Variants in SSBP2 observed in about 807,000 individuals in gnomAD.
SSBP2 encodes single stranded DNA binding protein 2.
SSBP2 carries 17 observed loss-of-function variants against 61.8 expected under a neutral mutation model. The observed-to-expected ratio is 0.28, with a 90% confidence interval of 0.19 to 0.41. The LOEUF is 0.41. SSBP2 is among the 10% of genes least tolerant of loss of function. The probability of loss-of-function intolerance (pLI) is 1.00; values close to 1 mark genes in which losing one functional copy is unlikely to be tolerated. For synonymous variants in SSBP2, 139 were observed against 141.3 expected, an observed-to-expected ratio of 0.98 and a Z score of 0.12; for missense variants, 310 against 458.7, an observed-to-expected ratio of 0.68 and a Z score of 2.96.
At chr5:81,652,512 T>C (rs910610943) in intron 1 of SSBP2, among the ~76,000 whole-genome samples, 5 of 152,124 alleles carry the variant, frequency 3.3e-5, no homozygotes, top group African/African-American at 1.2e-4. Flanking sequence ...CCTCCTACCA[T>C]TAGAATCTGC....
intron 15 of SSBP2, 58 bp from the exon 16 acceptor site, chr5:81,428,741 C>A (rs1762109261): frequency 7.9e-7 from 1 of 1,273,886 alleles, no homozygotes; most frequent in South Asian, 1.2e-5. Context: ...CCCTCTTGCA[C>A]TGTACTGTTT....
intron 16 of SSBP2, among the ~76,000 whole-genome samples, chr5:81,426,644 G>A (rs1580647310): frequency 1.3e-5 from 2 of 152,330 alleles, no homozygotes; most frequent in Middle Eastern, 6.8e-3. Flanking sequence ...AGGGATTGAA[G>A]GGAGAAGCTG....
intron 1 of SSBP2, among the ~76,000 whole-genome samples, chr5:81,670,134 A>G (rs967981289): frequency 2.0e-5 from 3 of 152,172 alleles, no homozygotes; most frequent in African/African-American, 7.2e-5. Flanking sequence ...GCACACCACC[A>G]ACAGAGAACC....
At chr5:81,500,490 C>T (rs1767623884) in intron 5 of SSBP2, among the ~76,000 whole-genome samples, 3 of 151,456 alleles carry the variant, frequency 2.0e-5, no homozygotes, top group African/African-American at 7.3e-5. Context: ...GGAACGGAGT[C>T]TCACTCTGTC....
chr5:81,444,025 T>A (rs867154543), intron 12 of SSBP2, among the ~76,000 whole-genome samples: 1 of 152,232 alleles, frequency 6.6e-6, no homozygotes, highest in African/African-American at 2.4e-5. Context: ...ATTATTTTAG[T>A]GTGTATTACT....
At chr5:81,558,158 T>G (rs1772750048) in intron 4 of SSBP2, among the ~76,000 whole-genome samples, 1 of 152,178 alleles carries the variant, frequency 6.6e-6, no homozygotes, top group African/African-American at 2.4e-5. Flanking sequence ...CCCTGTGCTT[T>G]CCCTAAATAA....
chr5:81,628,340 C>T (rs530856778), intron 3 of SSBP2, among the ~76,000 whole-genome samples: 10 of 152,282 alleles, frequency 6.6e-5, no homozygotes, highest in African/African-American at 1.9e-4. Context: ...ATTCAATTAC[C>T]TCTCACCAAG....
At chr5:81,611,134 C>T (rs1053350374) in intron 4 of SSBP2, among the ~76,000 whole-genome samples, 2 of 152,146 alleles carry the variant, frequency 1.3e-5, no homozygotes, top group Non-Finnish European at 2.9e-5. Context: ...CCATCAAAGA[C>T]ATAGTACTTG....
At chr5:81,699,336 T>C (rs1753804896) in intron 1 of SSBP2, among the ~76,000 whole-genome samples, 1 of 152,220 alleles carries the variant, frequency 6.6e-6, no homozygotes, top group Non-Finnish European at 1.5e-5. Flanking sequence ...TGCTATGCTG[T>C]TTGACCCACA....
At chr5:81,530,024 C>T (rs566727287) in intron 4 of SSBP2, among the ~76,000 whole-genome samples, 5 of 151,850 alleles carry the variant, frequency 3.3e-5, no homozygotes, top group South Asian at 2.1e-4. Flanking sequence ...ACAGAGATAG[C>T]GATACAGAGA....
rs544433205 is a variant in SSBP2 at position 81,504,361 on chromosome 5, A to C, written c.372+9267T>G. On this transcript the variant is annotated intron_variant, in intron 5 of 16. Transcript: ENST00000320672. ...TCAGAGGAAAATCCAAAGTCCCTAC[A>C]ATAACCTACAAGGTTCTTCTTGACT... Among the ~76,000 whole-genome samples, 8 of 152,304 alleles carry C rather than the reference A, an allele frequency of 5.3e-5. No individual in the cohort carries two copies. The South Asian group carries it at 1.7e-3, about 32-fold the overall frequency.
At chr5:81,545,478 T>C (rs1771660370) in intron 4 of SSBP2, among the ~76,000 whole-genome samples, 1 of 152,186 alleles carries the variant, frequency 6.6e-6, no homozygotes, top group Non-Finnish European at 1.5e-5. Flanking sequence ...TAAAAATAAT[T>C]AGTTGTGTGA....
chr5:81,695,413 ATATG>A (rs1305792253), intron 1 of SSBP2, among the ~76,000 whole-genome samples: 1 of 152,060 alleles, frequency 6.6e-6, no homozygotes, highest in Non-Finnish European at 1.5e-5. Flanking sequence ...GGTTTGTTAC[ATATG>A]TATACATGTG....
chr5:81,488,049 A>AATACAT lies in SSBP2; in HGVS notation c.432+1200_432+1201insATGTAT, dbSNP rs1561459441. ...TATATATATATATATATATATATAT[A>AATACAT]TATATATATAAATAAAATATCATAT... On this transcript the variant is annotated intron_variant, in intron 6 of 16. Coordinates refer to ENST00000320672, the MANE Select transcript of SSBP2 (RefSeq NM_012446.5). Among the ~76,000 whole-genome samples, 6 of 50,530 alleles carry AATACAT rather than the reference A, an allele frequency of 1.2e-4. 1 individual carries two copies. Among genetic ancestry groups the AATACAT allele is most frequent in the Non-Finnish European group, 2.1e-4 (6 of 28,582 alleles). 33.1% of individuals were successfully genotyped at this position (50,530 alleles called of 152,430 possible).
intron 2 of SSBP2, among the ~76,000 whole-genome samples, chr5:81,641,443 G>A (rs549704967): frequency 6.6e-6 from 1 of 152,048 alleles, no homozygotes; most frequent in Non-Finnish European, 1.5e-5. Context: ...ACAAGTCTGT[G>A]CCAGAAGCAG....
intron 4 of SSBP2, among the ~76,000 whole-genome samples, chr5:81,571,397 A>G (rs1039071064): frequency 9.9e-5 from 15 of 152,208 alleles, no homozygotes; most frequent in Non-Finnish European, 1.3e-4. Context: ...CATCTAAGCT[A>G]GTCAACATTC....
At chr5:81,465,402 A>G (rs1428399383) in intron 9 of SSBP2, among the ~76,000 whole-genome samples, 4 of 152,008 alleles carry the variant, frequency 2.6e-5, no homozygotes, top group Non-Finnish European at 5.9e-5. Flanking sequence ...GTATATGCTT[A>G]AGTATATCTG....
chr5:81,654,532 A>C (rs1750039921), intron 1 of SSBP2, among the ~76,000 whole-genome samples: 1 of 152,148 alleles, frequency 6.6e-6, no homozygotes, highest in Admixed American at 6.6e-5. Flanking sequence ...TATCTCTCCC[A>C]CATTTGCCAC....
intron 1 of SSBP2, among the ~76,000 whole-genome samples, chr5:81,653,885 C>A (rs1055641733): frequency 6.6e-6 from 1 of 152,082 alleles, no homozygotes; most frequent in Non-Finnish European, 1.5e-5. Context: ...TTAATTATCA[C>A]CTCTGTGTAT....
Sources: gnomAD v4.1 joint callset for allele counts (sites outside exome capture counted in the v4.1 genomes callset) on GRCh38, gnomAD v4.1.1 for gene constraint, MANE v1.5 for transcripts, NCBI Gene and HGNC (gene_info 2026-07-23, HGNC 2026-07-21) for gene names.